CNTN5: variants seen among roughly 807,000 people sequenced by gnomAD.
The protein encoded by CNTN5 is contactin 5.
A neutral mutation model predicts 129.1 loss-of-function variants in CNTN5; 77 were observed. The observed-to-expected ratio is 0.60, with a 90% confidence interval of 0.50 to 0.72. The LOEUF (loss-of-function observed/expected upper bound fraction) is 0.72, where lower values mean the gene tolerates loss of function less well. Among genes scored for constraint, CNTN5 ranks in the 30% least tolerant of loss-of-function variants. The probability of loss-of-function intolerance (pLI) is 0.00; values close to 1 mark genes in which losing one functional copy is unlikely to be tolerated. For synonymous variants in CNTN5, 509 were observed against 465.6 expected (o/e 1.09, Z -1.20); for missense variants, 1,478 against 1,328.8 (o/e 1.11, Z -1.75).
chr11:99,456,029 A>C (rs2135213793), intron 2 of CNTN5, among the ~76,000 whole-genome samples: 1 of 152,288 alleles, frequency 6.6e-6, no homozygotes, highest in African/African-American at 2.4e-5. Context: ...AAGTCAATTT[A>C]AGGCAGAAAG....
chr11:99,641,326 A>G (rs1185848432), intron 3 of CNTN5, among the ~76,000 whole-genome samples: 2 of 152,206 alleles, frequency 1.3e-5, no homozygotes, highest in Admixed American at 1.3e-4. Flanking sequence ...CAACTTTGAT[A>G]ATAATAATGA....
intron 3 of CNTN5, among the ~76,000 whole-genome samples, chr11:99,714,789 A>G (rs531282510): frequency 6.6e-6 from 1 of 151,810 alleles, no homozygotes; most frequent in Non-Finnish European, 1.5e-5. Flanking sequence ...GTTTGATGGA[A>G]ATATAATTAT....
intron 7 of CNTN5, among the ~76,000 whole-genome samples, chr11:99,919,691 CT>C (rs1949887479): frequency 6.6e-6 from 1 of 152,094 alleles, no homozygotes; most frequent in Non-Finnish European, 1.5e-5. Flanking sequence ...ATCACCACAA[CT>C]TGAAAGATAC....
intron 2 of CNTN5, among the ~76,000 whole-genome samples, chr11:99,463,216 A>T (rs1944793169): frequency 6.6e-6 from 1 of 151,256 alleles, no homozygotes; most frequent in Non-Finnish European, 1.5e-5. Flanking sequence ...AGGCGGGTAG[A>T]TCACGAGGTC....
intron 3 of CNTN5, among the ~76,000 whole-genome samples, chr11:99,607,867 G>A (rs1158892756): frequency 3.2e-5 from 4 of 126,236 alleles, no homozygotes; most frequent in Non-Finnish European, 5.1e-5. Context: ...ACCAAACACC[G>A]CATATTCTCA....
chr11:99,561,565 G>T (rs1267678881), intron 3 of CNTN5, among the ~76,000 whole-genome samples: 1 of 152,120 alleles, frequency 6.6e-6, no homozygotes, highest in Non-Finnish European at 1.5e-5. Flanking sequence ...GGCCAAAAGA[G>T]AAGTGATTTC....
intron 2 of CNTN5, among the ~76,000 whole-genome samples, chr11:99,388,609 C>T (rs764843709): frequency 4.6e-5 from 7 of 152,168 alleles, no homozygotes; most frequent in South Asian, 2.1e-4. Flanking sequence ...AATCAGACTG[C>T]TATCTTAATG....
At chr11:99,213,005 C>T (rs1170862718) in intron 1 of CNTN5, among the ~76,000 whole-genome samples, 2 of 151,658 alleles carry the variant, frequency 1.3e-5, no homozygotes, top group South Asian at 2.1e-4. Context: ...TCCTGGCTAA[C>T]ATGGTGAAAC....
chr11:99,686,325 ATCT>A (rs1324896477), intron 3 of CNTN5, among the ~76,000 whole-genome samples: 2 of 151,900 alleles, frequency 1.3e-5, no homozygotes, highest in Non-Finnish European at 2.9e-5. Context: ...CTGTTGATGA[ATCT>A]TCTTTTTTTT....
At chr11:99,644,996 G>A (rs1244546121) in intron 3 of CNTN5, among the ~76,000 whole-genome samples, 3 of 151,628 alleles carry the variant, frequency 2.0e-5, no homozygotes, top group African/African-American at 7.3e-5. Context: ...GTCAGGCGTG[G>A]TGGCTTATGC....
chr11:99,184,474 T>G (rs1858239621), intron 1 of CNTN5, among the ~76,000 whole-genome samples: 1 of 152,102 alleles, frequency 6.6e-6, no homozygotes, highest in East Asian at 1.9e-4. Flanking sequence ...CTGCCAGCTT[T>G]CTTCCTCCAG....
chr11:100,031,453 G>C (rs1005710968), intron 9 of CNTN5, among the ~76,000 whole-genome samples: 9 of 152,150 alleles, frequency 5.9e-5, no homozygotes, highest in African/African-American at 2.2e-4. Context: ...CCCTTGTGGA[G>C]AGCCTATAAA....
intron 2 of CNTN5, among the ~76,000 whole-genome samples, chr11:99,376,159 A>G (rs1192102367): frequency 1.3e-5 from 2 of 152,240 alleles, no homozygotes; most frequent in Non-Finnish European, 2.9e-5. Context: ...TGGATATTGC[A>G]TATGAAGAAT....
chr11:99,996,753 C>A (rs1234270697), intron 8 of CNTN5, among the ~76,000 whole-genome samples: 1 of 152,082 alleles, frequency 6.6e-6, no homozygotes, highest in Non-Finnish European at 1.5e-5. Context: ...ACAATCATGG[C>A]AGAAGGTGAA....
At chr11:99,045,968 A>G (rs1231369144) in intron 1 of CNTN5, among the ~76,000 whole-genome samples, 2 of 152,188 alleles carry the variant, frequency 1.3e-5, no homozygotes, top group Non-Finnish European at 2.9e-5. Flanking sequence ...AGGATAGCCT[A>G]CAGCCAGTAG....
At chr11:99,789,331 T>G (rs371984024) in intron 3 of CNTN5, among the ~76,000 whole-genome samples, 5 of 152,076 alleles carry the variant, frequency 3.3e-5, no homozygotes, top group African/African-American at 1.2e-4. Flanking sequence ...TTAGAGAGAT[T>G]AAGTAACTTC....
At chr11:99,689,926 T>C (rs1196845319) in intron 3 of CNTN5, among the ~76,000 whole-genome samples, 2 of 152,312 alleles carry the variant, frequency 1.3e-5, no homozygotes, top group Admixed American at 6.5e-5. Flanking sequence ...AGAAGATCTT[T>C]AGTTTAATTA....
intron 2 of CNTN5, among the ~76,000 whole-genome samples, chr11:99,478,657 G>A (rs959997587): frequency 1.3e-5 from 2 of 151,420 alleles, no homozygotes; most frequent in Admixed American, 1.3e-4. Context: ...ATTTTTTTTT[G>A]AGATGGTTGT....
At chr11:100,039,056 C>T (rs1375893163) in intron 9 of CNTN5, among the ~76,000 whole-genome samples, 2 of 152,150 alleles carry the variant, frequency 1.3e-5, no homozygotes, top group Non-Finnish European at 2.9e-5. Flanking sequence ...GCAGTTTCTT[C>T]CTAGCCTTGA....
Sources: allele counts gnomAD v4.1 joint callset (sites outside exome capture counted in the v4.1 genomes callset), GRCh38; gene constraint gnomAD v4.1.1; transcripts MANE v1.5; gene names NCBI Gene and HGNC (gene_info 2026-07-23, HGNC 2026-07-21).